Variants in NCALD observed in about 807,000 individuals in gnomAD.
The protein encoded by NCALD is neurocalcin delta.
NCALD carries 10 observed loss-of-function variants against 18.6 expected under a neutral mutation model. The ratio of observed to expected loss-of-function variants is 0.54; its 90% CI spans 0.33 to 0.91. NCALD has a LOEUF of 0.91. NCALD is among the 40% of genes least tolerant of loss of function. NCALD has a pLI of 0.03. For synonymous variants in NCALD, 88 were observed against 87.4 expected, an observed-to-expected ratio of 1.01 and a Z score of -0.04; for missense variants, 184 against 247.6, an observed-to-expected ratio of 0.74 and a Z score of 1.72.
chr8:101,811,666 T>C (rs547224012), intron 4 of NCALD, among the ~76,000 whole-genome samples: 2 of 152,262 alleles, frequency 1.3e-5, no homozygotes, highest in South Asian at 4.2e-4. Flanking sequence ...AGTTTAAGTA[T>C]CCCAAGAGAA....
intron 1 of NCALD, among the ~76,000 whole-genome samples, chr8:102,032,540 A>C (rs1038672537): frequency 6.6e-6 from 1 of 151,306 alleles, no homozygotes; most frequent in African/African-American, 2.4e-5. Context: ...CCAGAAGTAC[A>C]AATCTATACT....
intron 1 of NCALD, among the ~76,000 whole-genome samples, chr8:102,068,406 C>T (rs78819373): frequency 0.061 from 9,252 of 152,292 alleles, 415 homozygotes; most frequent in Non-Finnish European, 0.093. Flanking sequence ...CTGTTTCTTG[C>T]GTAGGCCACG....
At chr8:101,975,017 A>G (rs1342577540) in intron 2 of NCALD, among the ~76,000 whole-genome samples, 1 of 152,240 alleles carries the variant, frequency 6.6e-6, no homozygotes, top group Non-Finnish European at 1.5e-5. Context: ...CATCTCAACC[A>G]GAGGTTTTTC....
intron 1 of NCALD, among the ~76,000 whole-genome samples, chr8:101,725,884 G>C (rs1038344894): frequency 1.3e-5 from 2 of 152,230 alleles, no homozygotes. Flanking sequence ...ATGGAGAAGA[G>C]TAAAGAAGAG....
intron 2 of NCALD, among the ~76,000 whole-genome samples, chr8:101,707,043 C>A (rs1319459473): frequency 6.6e-6 from 1 of 152,142 alleles, no homozygotes; most frequent in Non-Finnish European, 1.5e-5. Flanking sequence ...GGCCCATGCT[C>A]ATAATTGAGA....
intron 1 of NCALD, among the ~76,000 whole-genome samples, chr8:102,076,216 AT>A (rs1177178874): frequency 6.6e-6 from 1 of 152,150 alleles, no homozygotes. Context: ...TGTTATGAAG[AT>A]TTTCCCTCTT....
intron 2 of NCALD, among the ~76,000 whole-genome samples, chr8:101,981,784 T>C (rs2131942381): frequency 6.6e-6 from 1 of 152,340 alleles, no homozygotes; most frequent in African/African-American, 2.4e-5. Context: ...TCAGTGTATA[T>C]GAATTCCAAG....
upstream of NCALD, among the ~76,000 whole-genome samples, chr8:101,792,897 A>G (rs530066591): frequency 3.4e-5 from 5 of 145,904 alleles, no homozygotes; most frequent in African/African-American, 1.2e-4. Flanking sequence ...CTCAGTTCTA[A>G]AAAAAAAAAA....
chr8:101,777,188 T>C (rs1811827989), intron 1 of NCALD, among the ~76,000 whole-genome samples: 1 of 152,192 alleles, frequency 6.6e-6, no homozygotes, highest in Non-Finnish European at 1.5e-5. Flanking sequence ...ACATCAAGCT[T>C]GCTCATTTCT....
chr8:101,805,425 T>TC (rs1488335324), intron 4 of NCALD, among the ~76,000 whole-genome samples: 1 of 152,168 alleles, frequency 6.6e-6, no homozygotes, highest in African/African-American at 2.4e-5. Context: ...CTATCTATCC[T>TC]CCATTCATAA....
At chr8:102,065,058 C>G (rs1563587122) in intron 1 of NCALD, among the ~76,000 whole-genome samples, 1 of 146,542 alleles carries the variant, frequency 6.8e-6, no homozygotes, top group African/African-American at 2.6e-5. Flanking sequence ...GCAATGGACT[C>G]TACAGCACAG....
intron 1 of NCALD, among the ~76,000 whole-genome samples, chr8:101,756,997 GTC>G (rs1265077381): frequency 6.6e-6 from 1 of 152,146 alleles, no homozygotes; most frequent in Non-Finnish European, 1.5e-5. Flanking sequence ...AGTCTCTTAT[GTC>G]TCTGTCTTTT....
At chr8:101,910,506 G>A (rs972567072) in intron 3 of NCALD, among the ~76,000 whole-genome samples, 1 of 152,102 alleles carries the variant, frequency 6.6e-6, no homozygotes, top group African/African-American at 2.4e-5. Context: ...ACAGCCACGT[G>A]CTACCTAGGT....
chr8:102,096,125 A>G (rs1825088996), intron 1 of NCALD, among the ~76,000 whole-genome samples: 1 of 152,262 alleles, frequency 6.6e-6, no homozygotes, highest in South Asian at 2.1e-4. Context: ...AGTTCAAAGA[A>G]GAATCTTATA....
At position 101,727,445 on chromosome 8, in the gene NCALD, T is replaced by C. The variant is rs569045981; in HGVS notation, c.-19-7797A>G. ...CTATTCTCTACTCAGCCTCCAAGAG[T>C]AATGAGTAACCTTTTATAAAATATT... On this transcript the variant is annotated intron_variant, in intron 1 of 3. Transcript: ENST00000220931. 3.3e-5 allele frequency among the ~76,000 whole-genome samples: 5 copies of C among 152,218 alleles called. No homozygotes were observed. The East Asian group carries it at 9.7e-4, about 29-fold the overall frequency.
At chr8:101,716,639 G>C (rs1253021200) in intron 2 of NCALD, among the ~76,000 whole-genome samples, 1 of 152,166 alleles carries the variant, frequency 6.6e-6, no homozygotes, top group Non-Finnish European at 1.5e-5. Context: ...ATATGTGGTA[G>C]ACTGAACGAC....
intron 1 of NCALD, among the ~76,000 whole-genome samples, chr8:101,778,085 T>C (rs969270665): frequency 6.6e-6 from 1 of 152,210 alleles, no homozygotes; most frequent in Non-Finnish European, 1.5e-5. Flanking sequence ...AGAAAGGCAG[T>C]ACATAAAAGT....
chr8:102,004,273 T>C (rs1347900331), intron 2 of NCALD, among the ~76,000 whole-genome samples: 2 of 152,194 alleles, frequency 1.3e-5, no homozygotes, highest in Non-Finnish European at 1.5e-5. Flanking sequence ...TGAACTCCCA[T>C]TCACAACTGC....
intron 1 of NCALD, among the ~76,000 whole-genome samples, chr8:101,782,768 AT>A (rs1231430687): frequency 6.6e-6 from 1 of 152,200 alleles, no homozygotes; most frequent in African/African-American, 2.4e-5. Flanking sequence ...TCTCAATGCC[AT>A]ATATCCTCTG....
Sources: gnomAD v4.1 joint callset for allele counts (sites outside exome capture counted in the v4.1 genomes callset) on GRCh38, gnomAD v4.1.1 for gene constraint, MANE v1.5 for transcripts, NCBI Gene and HGNC (gene_info 2026-07-23, HGNC 2026-07-21) for gene names.